Variants in ANKRD34C observed in about 807,000 individuals in gnomAD.
ANKRD34C encodes the protein ankyrin repeat domain-containing protein 34C.
For synonymous variants in ANKRD34C, 260 were observed against 253.6 expected (o/e 1.03, Z -0.24); for missense variants, 563 against 653.0 (o/e 0.86, Z 1.50).
chr15:79,294,181 C>T lies in ANKRD34C; in HGVS notation c.897C>T (p.Thr299=). 1 of 1,551,606 alleles carries T rather than the reference C, an allele frequency of 6.4e-7. No individual in the cohort carries two copies. Among genetic ancestry groups the T allele is most frequent in the Non-Finnish European group, 8.7e-7 (1 of 1,146,980 alleles). ...CTAAAAGGGGGCCCCTCTCCAGAAC[C>T]AACAGTATCGATAGCAAAGACCCCA... ...SFPKRGPLSR[T]NSIDSKDPTL... Residue 299 remains threonine, a synonymous_variant, in exon 2 of 2, where the codon ACC becomes ACT. Coordinates refer to ENST00000421388, the MANE Select transcript of ANKRD34C (RefSeq NM_001146341.2).
At chr15:79,290,377 G>T (rs2058656138) in intron 1 of ANKRD34C, among the ~76,000 whole-genome samples, 1 of 152,048 alleles carries the variant, frequency 6.6e-6, no homozygotes, top group Admixed American at 6.6e-5. Context: ...GAATAGTGCT[G>T]CCGATGTCTT....
Position 79,294,789 on chromosome 15 carries a change from CA to C in ANKRD34C, c.1508del (p.Lys503ArgfsTer5), listed in dbSNP as rs1270967407. On this transcript the variant is annotated frameshift_variant, in exon 2 of 2. Transcript: ENST00000421388. LOFTEE classifies it low-confidence loss of function (END_TRUNC). ...ATGGTTCCTGTTGCTCCAAGTTCAC[CA>C]AAGAGAGTTGACTTAAGAAGTAAAA... The part of the protein sequence containing the change: ...KSMVPVAPSS[P>X]KRVDLRSKKK... 1.3e-6 allele frequency: 2 copies of C among 1,551,550 alleles called. No homozygotes were observed. The highest frequency in any genetic ancestry group is 1.7e-6 in the Non-Finnish European group (2 of 1,147,000).
chr15:79,283,968 A>T (rs1489606331), intron 1 of ANKRD34C: 1 of 152,282 alleles, frequency 6.6e-6, no homozygotes, highest in African/African-American at 2.4e-5. Context: ...TGACTGCAGA[A>T]GGAAGAGGCG....
intron 1 of ANKRD34C, among the ~76,000 whole-genome samples, chr15:79,288,966 G>A (rs1056452106): frequency 3.3e-5 from 5 of 151,874 alleles, no homozygotes; most frequent in East Asian, 1.9e-4. Context: ...GACTGCAAGC[G>A]TGTGCCACCA....
chr15:79,289,886 T>G (rs1402331506), intron 1 of ANKRD34C, among the ~76,000 whole-genome samples: 1 of 152,164 alleles, frequency 6.6e-6, no homozygotes, highest in Non-Finnish European at 1.5e-5. Context: ...TCTAGTTTTG[T>G]ATATGTATGT....
intron 1 of ANKRD34C, among the ~76,000 whole-genome samples, chr15:79,291,883 A>C (rs904802180): frequency 6.6e-6 from 1 of 152,098 alleles, no homozygotes; most frequent in Non-Finnish European, 1.5e-5. Flanking sequence ...TTCAAGGAGG[A>C]GTGGGGGATG....
intron 1 of ANKRD34C, among the ~76,000 whole-genome samples, chr15:79,285,404 T>G (rs111982933): frequency 6.6e-6 from 1 of 152,208 alleles, no homozygotes; most frequent in Non-Finnish European, 1.5e-5. Flanking sequence ...ATAAAGTGTA[T>G]GACATTGTAT....
Position 79,294,963 on chromosome 15 carries a change from C to T in ANKRD34C, c.*71C>T. The T allele has an allele frequency of 7.1e-7, 1 of 1,413,838 alleles. No individual in the cohort carries two copies. Among genetic ancestry groups the T allele is most frequent in the Non-Finnish European group, 9.4e-7 (1 of 1,065,990 alleles). 87.6% of individuals were successfully genotyped at this position (1,413,838 alleles called of 1,614,324 possible). On this transcript the variant is annotated 3_prime_UTR_variant, in exon 2 of 2. Transcript: ENST00000421388. The stretch of plus-strand genomic sequence containing the variant: ...ACTATGGATGAGACTGCTTCCTGAT[C>T]ATTCCTTAATGTTGAACTGTGGCCA...
chr15:79,292,088 G>A (rs143603419), intron 1 of ANKRD34C, among the ~76,000 whole-genome samples: 68 of 152,320 alleles, frequency 4.5e-4, no homozygotes, highest in South Asian at 2.3e-3. Context: ...GGCAAATAGC[G>A]TAAGAGAAAG....
Position 79,295,582 on chromosome 15 carries a change from A to T in ANKRD34C, c.*690A>T, listed in dbSNP as rs1457450214. The T allele has an allele frequency of 6.0e-6, 1 of 167,144 alleles. No homozygotes were observed. The highest frequency in any genetic ancestry group is 1.5e-5 in the Non-Finnish European group (1 of 68,140). 10.4% of individuals were successfully genotyped at this position (167,144 alleles called of 1,614,324 possible). Reference sequence around the variant, plus strand: ...TCATAGTAGCTGATGCCTTAGAGATAAATCTTGCTCCAGAAATGAAACTTT... The same window carrying T: ...TCATAGTAGCTGATGCCTTAGAGATTAATCTTGCTCCAGAAATGAAACTTT... On this transcript the variant is annotated 3_prime_UTR_variant, in exon 2 of 2. Transcript: ENST00000421388.
Position 79,294,252 on chromosome 15 carries a change from C to A in ANKRD34C, c.968C>A (p.Ser323Tyr). 1 of 1,551,664 alleles carries A rather than the reference C, an allele frequency of 6.4e-7. No individual in the cohort carries two copies. Among genetic ancestry groups the A allele is most frequent in the South Asian group, 1.2e-5 (1 of 84,050 alleles). Reference protein sequence around the residue: ...VTEQVLKIPVSSAPASWKAAY... With the variant: ...VTEQVLKIPVYSAPASWKAAY... ...GAGCAGGTTCTGAAGATTCCAGTCT[C>A]TTCAGCACCGGCATCCTGGAAAGCA... The change falls in exon 2 of 2, where the codon TCT (serine) becomes TAT (tyrosine). Residue 323 changes from serine to tyrosine, a missense_variant. Physicochemically the swap from Ser to Tyr is moderately radical, Grantham distance 144 (BLOSUM62 -2). Coordinates refer to ENST00000421388, the MANE Select transcript of ANKRD34C (RefSeq NM_001146341.2).
chr15:79,286,242 G>A (rs2058644561), intron 1 of ANKRD34C, among the ~76,000 whole-genome samples: 2 of 130,788 alleles, frequency 1.5e-5, no homozygotes, highest in South Asian at 4.7e-4. Flanking sequence ...GGGGTGGGGG[G>A]TTGGCGGGTA....
At chr15:79,286,144 T>C (rs748499222) in intron 1 of ANKRD34C, among the ~76,000 whole-genome samples, 22 of 151,000 alleles carry the variant, frequency 1.5e-4, no homozygotes, top group Non-Finnish European at 2.8e-4. Flanking sequence ...CCCTGTGCCA[T>C]TGGAAGATAT....
chr15:79,282,933 A>C lies in ANKRD34C; in HGVS notation c.-340A>C, dbSNP rs1188749324. ...AACCAAACCAAACCAAACCAAACCCAAAACTCCCCTGCTCCCACCGCAACT... is the reference window on the plus strand; with the variant it reads ...AACCAAACCAAACCAAACCAAACCCCAAACTCCCCTGCTCCCACCGCAACT... On this transcript the variant is annotated 5_prime_UTR_variant, in exon 1 of 2. Transcript: ENST00000421388. Among the ~76,000 whole-genome samples the C allele has an allele frequency of 3.3e-5, 5 of 152,100 alleles. No homozygotes were observed. The highest frequency in any genetic ancestry group is 9.7e-5 in the African/African-American group (4 of 41,424).
rs773427605 is a variant in ANKRD34C, at chr15:79,293,539, C to T, written c.255C>T (p.Gly85=). The T allele has an allele frequency of 6.4e-7, 1 of 1,551,522 alleles. No homozygotes were observed. Among genetic ancestry groups the T allele is most frequent in the Non-Finnish European group, 8.7e-7 (1 of 1,146,906 alleles). Residue 85 remains glycine (G), a synonymous_variant, in exon 2 of 2, where the codon GGC becomes GGT. Coordinates refer to ENST00000421388, the MANE Select transcript of ANKRD34C (RefSeq NM_001146341.2). ...RADPNIQDKS[G]KTALIHACIR... is the part of the protein sequence containing the mutation. Reference sequence around the variant, plus strand: ...ACCCCAATATCCAAGATAAGTCTGGCAAGACTGCCCTCATCCATGCCTGTA... The same window carrying T: ...ACCCCAATATCCAAGATAAGTCTGGTAAGACTGCCCTCATCCATGCCTGTA...
In ANKRD34C at chr15:79,294,705, T is replaced by G; in HGVS notation, c.1421T>G (p.Ile474Ser). 3 of 1,551,736 alleles carry G rather than the reference T, an allele frequency of 1.9e-6. No homozygotes were observed. Among genetic ancestry groups the G allele is most frequent in the Non-Finnish European group, 2.6e-6 (3 of 1,146,990 alleles). ...TTAAATGTGAATCTGAACCCGCCTA[T>G]TCCAGATATTAGATCTAGCAGCAAA... ...PPLNVNLNPPIPDIRSSSKPS... is the reference protein window; with the variant it reads ...PPLNVNLNPPSPDIRSSSKPS... The change falls in exon 2 of 2, where the codon ATT becomes AGT. Residue 474 changes from isoleucine to serine, a missense_variant. Coordinates refer to ENST00000421388, the MANE Select transcript of ANKRD34C (RefSeq NM_001146341.2).
intron 1 of ANKRD34C, among the ~76,000 whole-genome samples, chr15:79,288,292 G>A (rs1249098054): frequency 2.0e-5 from 3 of 152,198 alleles, no homozygotes; most frequent in African/African-American, 7.2e-5. Flanking sequence ...AGGAGGAAGA[G>A]CAAATATAGG....
Position 79,294,231 on chromosome 15 carries a change from A to G in ANKRD34C, c.947A>G (p.Gln316Arg). 1 of 1,551,616 alleles carries G rather than the reference A, an allele frequency of 6.4e-7. No homozygotes were observed. The highest frequency in any genetic ancestry group is 8.7e-7 in the Non-Finnish European group (1 of 1,146,934). Residue 316 changes from glutamine (Q) to arginine (R), a missense_variant, in exon 2 of 2, where the codon CAG becomes CGG. By Grantham distance (43) the Gln-to-Arg change is conservative (BLOSUM62 1). Coordinates refer to ENST00000421388, the MANE Select transcript of ANKRD34C (RefSeq NM_001146341.2). ...DPTLFHTVTE[Q>R]VLKIPVSSAP... The stretch of plus-strand genomic sequence containing the variant: ...ACCCTCTTTCACACAGTCACAGAGC[A>G]GGTTCTGAAGATTCCAGTCTCTTCA...
intron 1 of ANKRD34C, among the ~76,000 whole-genome samples, chr15:79,291,583 CACACACACACACACACACAGAG>C (rs1378130862): frequency 1.8e-4 from 21 of 116,880 alleles, no homozygotes; most frequent in Non-Finnish European, 3.2e-4. Flanking sequence ...CACACACACA[CACACACACACACACACACAGAG>C]AGAGAGAGAG....
Sources: allele counts gnomAD v4.1 joint callset (sites outside exome capture counted in the v4.1 genomes callset), GRCh38; gene constraint gnomAD v4.1.1; transcripts MANE v1.5; gene names NCBI Gene and HGNC (gene_info 2026-07-23, HGNC 2026-07-21).